The following SCN9A variants were observed in gnomAD, a reference collection of about 807,000 sequenced individuals.
SCN9A encodes the protein sodium channel protein type 9 subunit alpha.
SCN9A carries 131 observed loss-of-function variants against 187.0 expected under a neutral mutation model. The observed-to-expected ratio is 0.70, with a 90% CI of 0.61 to 0.81. The LOEUF is 0.81. SCN9A is among the 30% of genes least tolerant of loss of function. SCN9A has a pLI of 0.00. For missense variants in SCN9A, 2,252 were observed against 2,396.6 expected (o/e 0.94, Z 1.26); for synonymous variants, 809 against 808.6 (o/e 1.00, Z -0.01).
chr2:166,230,033 C>G (rs1178475335), intron 21 of SCN9A, among the ~76,000 whole-genome samples: 1 of 152,166 alleles, frequency 6.6e-6, no homozygotes, highest in Non-Finnish European at 1.5e-5. Context: ...GGATCTCTGA[C>G]TACTAATCAG....
intron 18 of SCN9A, among the ~76,000 whole-genome samples, chr2:166,245,813 G>A (rs1406241541): frequency 6.6e-6 from 1 of 151,948 alleles, no homozygotes; most frequent in Non-Finnish European, 1.5e-5. Context: ...CAAGTATTGA[G>A]TTTTCAAGTA....
chr2:166,248,536 C>A (rs577755015), intron 18 of SCN9A, among the ~76,000 whole-genome samples: 1 of 152,124 alleles, frequency 6.6e-6, no homozygotes, highest in African/African-American at 2.4e-5. Context: ...CATTGCTATT[C>A]GCCCTTCCAC....
chr2:166,216,825 G>T (rs914324370), intron 24 of SCN9A, among the ~76,000 whole-genome samples: 7 of 151,970 alleles, frequency 4.6e-5, no homozygotes, highest in Non-Finnish European at 8.8e-5. Flanking sequence ...ATAATCTACA[G>T]ATTCAATGCA....
intron 11 of SCN9A, 42 bp from the exon 12 acceptor site, chr2:166,284,866 C>T: frequency 6.5e-7 from 1 of 1,527,100 alleles, no homozygotes; most frequent in Non-Finnish European, 8.7e-7. Context: ...GAAGCACCTA[C>T]TGATAGAAGT....
chr2:166,336,394 C>T (rs932686238), intron 1 of SCN9A, among the ~76,000 whole-genome samples: 3 of 152,056 alleles, frequency 2.0e-5, no homozygotes, highest in African/African-American at 4.8e-5. Context: ...CATACATTTC[C>T]TAGTTTCATA....
intron 3 of SCN9A, 119 bp from the exon 4 acceptor site, chr2:166,306,718 C>A: frequency 1.3e-6 from 1 of 757,586 alleles, no homozygotes; most frequent in Non-Finnish European, 2.3e-6. Context: ...AGCTTGTAGA[C>A]TATTTTGTCT....
At chr2:166,245,120 G>A (rs1167825733) in intron 18 of SCN9A, among the ~76,000 whole-genome samples, 1 of 151,836 alleles carries the variant, frequency 6.6e-6, no homozygotes, top group Non-Finnish European at 1.5e-5. Flanking sequence ...TAAATATCAA[G>A]CAGTCTTCAT....
At chr2:166,295,387 C>T (rs1407858321) in intron 7 of SCN9A, among the ~76,000 whole-genome samples, 9 of 152,110 alleles carry the variant, frequency 5.9e-5, no homozygotes, top group Admixed American at 3.3e-4. Context: ...TAGGACGTTT[C>T]GTCCTTGTGC....
Position 166,280,592 on chromosome 2 carries a change from AGTTCTGGG to A in SCN9A, c.2105-5_2107del. 1.3e-6 allele frequency: 2 copies of A among 1,555,548 alleles called. No individual in the cohort carries two copies. The highest frequency in any genetic ancestry group is 1.9e-5 in the Admixed American group (1 of 52,982). Reference sequence around the variant, plus strand: ...TGGACATTTTTGTCTGGACTCTTCAAGTTCTGGGAGAAAAAAGCAGAGAACATGGAGTC... The same window carrying A: ...TGGACATTTTTGTCTGGACTCTTCAAAGAAAAAAGCAGAGAACATGGAGTC... On this transcript the variant is annotated splice_acceptor_variant and splice_polypyrimidine_tract_variant and coding_sequence_variant and intron_variant, in exon 14 of 27. Transcript: ENST00000642356. LOFTEE classifies it high-confidence loss of function.
At chr2:166,343,399 G>T (rs1699830389) in intron 1 of SCN9A, among the ~76,000 whole-genome samples, 1 of 151,602 alleles carries the variant, frequency 6.6e-6, no homozygotes, top group African/African-American at 2.4e-5. Context: ...CTGGGAAAAA[G>T]AAAAAAATTA....
intron 19 of SCN9A, among the ~76,000 whole-genome samples, chr2:166,241,715 A>G (rs973416337): frequency 6.6e-5 from 10 of 152,096 alleles, no homozygotes; most frequent in Non-Finnish European, 1.2e-4. Flanking sequence ...ACTTTGTCAC[A>G]TTTACACTTT....
At chr2:166,208,556 C>CT (rs1693929031) in intron 24 of SCN9A, among the ~76,000 whole-genome samples, 1 of 137,664 alleles carries the variant, frequency 7.3e-6, no homozygotes, top group Non-Finnish European at 1.6e-5. Context: ...ATCATGTAAT[C>CT]TTCCTTTTTA....
At chr2:166,276,343 T>A (rs1697235774) in intron 16 of SCN9A, 1 of 152,184 alleles carries the variant, frequency 6.6e-6, no homozygotes. Context: ...GCCACTGTAA[T>A]GTAAAAGCAG....
At chr2:166,363,098 GT>G (rs1167581815) in intron 1 of SCN9A, among the ~76,000 whole-genome samples, 1 of 151,956 alleles carries the variant, frequency 6.6e-6, no homozygotes, top group Non-Finnish European at 1.5e-5. Context: ...TAAAACTTCA[GT>G]TTTCGGTAAC....
chr2:166,350,979 A>T (rs1700020603), intron 1 of SCN9A, among the ~76,000 whole-genome samples: 1 of 152,148 alleles, frequency 6.6e-6, no homozygotes, highest in Non-Finnish European at 1.5e-5. Flanking sequence ...TATTTTAACA[A>T]AAAAAGCTTT....
chr2:166,222,885 C>T (rs566601899), intron 24 of SCN9A, among the ~76,000 whole-genome samples: 5 of 122,160 alleles, frequency 4.1e-5, no homozygotes, highest in South Asian at 2.8e-4. Context: ...GAGTCGAGAT[C>T]GCGCCACTGC....
intron 1 of SCN9A, among the ~76,000 whole-genome samples, chr2:166,365,188 A>G (rs899235242): frequency 4.6e-5 from 7 of 152,170 alleles, no homozygotes; most frequent in African/African-American, 1.7e-4. Context: ...GGTTCCAAGA[A>G]TCCAATCCAT....
At chr2:166,217,202 A>G (rs1439631830) in intron 24 of SCN9A, among the ~76,000 whole-genome samples, 5 of 152,122 alleles carry the variant, frequency 3.3e-5, no homozygotes, top group Non-Finnish European at 7.4e-5. Context: ...CCATATGTTT[A>G]TAAAACCAAA....
chr2:166,242,082 T>C (rs1464346630), intron 19 of SCN9A, among the ~76,000 whole-genome samples: 1 of 152,150 alleles, frequency 6.6e-6, no homozygotes, highest in African/African-American at 2.4e-5. Flanking sequence ...CAGTTGGAGC[T>C]TACCAGTTCC....
Sources: allele counts gnomAD v4.1 joint callset (sites outside exome capture counted in the v4.1 genomes callset), GRCh38; gene constraint gnomAD v4.1.1; transcripts MANE v1.5; gene names NCBI Gene and HGNC (gene_info 2026-07-23, HGNC 2026-07-21).